The following MYH10 variants were observed in gnomAD, a reference collection of about 807,000 sequenced individuals.
MYH10 encodes the protein myosin-10.
Under a neutral mutation model 257.8 loss-of-function variants are expected in MYH10, and 55 were observed. The ratio of observed to expected loss-of-function variants is 0.21; its 90% confidence interval spans 0.17 to 0.27. MYH10 has a LOEUF of 0.27. MYH10 is among the 10% of genes least tolerant of loss of function. MYH10 has a pLI of 1.00. For missense variants in MYH10, 1,631 were observed against 2,500.6 expected, an observed-to-expected ratio of 0.65 and a Z score of 7.42; for synonymous variants, 854 against 921.7, an observed-to-expected ratio of 0.93 and a Z score of 1.33.
intron 13 of MYH10, among the ~76,000 whole-genome samples, chr17:8,543,624 C>T (rs1038749290): frequency 2.0e-5 from 3 of 152,078 alleles, no homozygotes; most frequent in Admixed American, 2.0e-4. Flanking sequence ...CAGGCATCTG[C>T]CACCAAGCCC....
At chr17:8,534,543 C>T (rs962190601) in intron 16 of MYH10, among the ~76,000 whole-genome samples, 2 of 152,244 alleles carry the variant, frequency 1.3e-5, no homozygotes, top group Non-Finnish European at 2.9e-5. Flanking sequence ...TGCCTGCTTC[C>T]ATTTGCCCTT....
intron 36 of MYH10, among the ~76,000 whole-genome samples, chr17:8,484,644 C>T (rs1252891393): frequency 1.3e-5 from 2 of 152,142 alleles, no homozygotes; most frequent in Non-Finnish European, 2.9e-5. Flanking sequence ...CATGACCAAG[C>T]AGGATCTATC....
At chr17:8,538,204 TTTA>T (rs1226673496) in intron 14 of MYH10, among the ~76,000 whole-genome samples, 3 of 152,198 alleles carry the variant, frequency 2.0e-5, no homozygotes, top group African/African-American at 7.2e-5. Flanking sequence ...GTTTTTATTT[TTTA>T]TTATTATTAT....
chr17:8,482,558 C>G (rs1229838475), intron 37 of MYH10, among the ~76,000 whole-genome samples: 2 of 152,220 alleles, frequency 1.3e-5, no homozygotes, highest in South Asian at 4.1e-4. Flanking sequence ...TCACTGTCCA[C>G]TGGCTTGGGG....
chr17:8,539,252 C>G (rs1044496577), intron 14 of MYH10, among the ~76,000 whole-genome samples: 1 of 152,196 alleles, frequency 6.6e-6, no homozygotes, highest in Non-Finnish European at 1.5e-5. Flanking sequence ...GACTAGGACA[C>G]TCGCCAAATA....
chr17:8,527,490 A>AC (rs2081885143), intron 17 of MYH10, among the ~76,000 whole-genome samples: 1 of 152,078 alleles, frequency 6.6e-6, no homozygotes, highest in Non-Finnish European at 1.5e-5. Flanking sequence ...CATGTCCCCA[A>AC]CTCATGCTGA....
intron 4 of MYH10, among the ~76,000 whole-genome samples, chr17:8,583,639 T>C (rs2083791007): frequency 6.6e-6 from 1 of 152,230 alleles, no homozygotes; most frequent in African/African-American, 2.4e-5. Flanking sequence ...ACTGTTGCCT[T>C]CGCTGTTTAA....
rs1480389191 is a variant in MYH10, at chr17:8,474,877, C to T, written c.*927G>A. 6.6e-6 allele frequency: 1 copy of T among 152,662 alleles called. No individual in the cohort carries two copies. The highest frequency in any genetic ancestry group is 1.9e-4 in the East Asian group (1 of 5,200). 9.5% of individuals were successfully genotyped at this position (152,662 alleles called of 1,614,324 possible). A position where few individuals can be genotyped will look rare whatever the true frequency, so the allele number is the denominator to read the frequency against. ...CTTGGAACAAGCCTCGGACACAAAACCAATATTCCCATTTTGGGCTCAAAG... is the reference window on the plus strand; with the variant it reads ...CTTGGAACAAGCCTCGGACACAAAATCAATATTCCCATTTTGGGCTCAAAG... On this transcript the variant is annotated 3_prime_UTR_variant, in exon 43 of 43. Coordinates refer to ENST00000360416, the MANE Select transcript of MYH10 (RefSeq NM_001256012.3).
chr17:8,539,174 C>T (rs2082225890), intron 14 of MYH10, among the ~76,000 whole-genome samples: 1 of 152,188 alleles, frequency 6.6e-6, no homozygotes, highest in Non-Finnish European at 1.5e-5. Context: ...CTATAGACTA[C>T]AAGAAATCAA....
At position 8,490,108 on chromosome 17, in the gene MYH10, A is replaced by T. The variant is rs1451745007; in HGVS notation, c.4884+232T>A. 2.3e-6 allele frequency: 1 copy of T among 442,774 alleles called. No individual in the cohort carries two copies. The highest frequency in any genetic ancestry group is 2.0e-5 in the African/African-American group (1 of 50,510). 27.4% of individuals were successfully genotyped at this position (442,774 alleles called of 1,614,324 possible). ...GAGTCCACTGAGGGCTTTCTGACTG[A>T]TAAGTGTCTGGCTTGTAGGCAGGAA... is the stretch of plus-strand genomic sequence containing the variant. On this transcript the variant is annotated intron_variant, in intron 35 of 42. Coordinates refer to ENST00000360416, the MANE Select transcript of MYH10 (RefSeq NM_001256012.3). The surrounding 1 kb of genome is among the most constrained non-coding windows in gnomAD (Gnocchi z 4.1).
chr17:8,507,222 T>C (rs1290385016), intron 26 of MYH10, among the ~76,000 whole-genome samples: 1 of 152,228 alleles, frequency 6.6e-6, no homozygotes, highest in Admixed American at 6.5e-5. Flanking sequence ...TGAAAGTAAT[T>C]TCATACTGAC....
In MYH10 at chr17:8,490,004, C is replaced by T. The variant is rs1307715495; in HGVS notation, c.4884+336G>A. 1.3e-5 allele frequency among the ~76,000 whole-genome samples: 2 copies of T among 152,088 alleles called. No homozygotes were observed. Among genetic ancestry groups the T allele is most frequent in the African/African-American group, 2.4e-5 (1 of 41,408 alleles). On this transcript the variant is annotated intron_variant, in intron 35 of 42. Coordinates refer to ENST00000360416, the MANE Select transcript of MYH10 (RefSeq NM_001256012.3). The surrounding 1 kb of genome is among the most constrained non-coding windows in gnomAD (Gnocchi z 4.1). ...GAACCACAGACATCTGCCGAATCAC[C>T]GTGTCTGGGATGCATCAATTCTTTC...
intron 21 of MYH10, among the ~76,000 whole-genome samples, chr17:8,516,276 G>A (rs1566327): frequency 0.5 from 76,437 of 152,016 alleles, 20,210 homozygotes; most frequent in Middle Eastern, 0.61. Context: ...ATGTCCTCCA[G>A]GGTGCTTCAA....
intron 9 of MYH10, among the ~76,000 whole-genome samples, chr17:8,550,554 C>T (rs1183783607): frequency 2.0e-4 from 28 of 141,604 alleles, no homozygotes; most frequent in African/African-American, 6.9e-4. Context: ...CCGCCCTGCC[C>T]GGGAGGTGAG....
At chr17:8,516,488 C>T (rs2081472914) in intron 21 of MYH10, among the ~76,000 whole-genome samples, 2 of 152,202 alleles carry the variant, frequency 1.3e-5, no homozygotes, top group Non-Finnish European at 2.9e-5. Flanking sequence ...CAAAGGCATG[C>T]TGGCTTACAT....
At position 8,576,795 on chromosome 17, in the gene MYH10, G is replaced by A. The variant is rs191788633; in HGVS notation, c.634-123C>T. On this transcript the variant is annotated intron_variant, in intron 5 of 42. Coordinates refer to ENST00000360416, the MANE Select transcript of MYH10 (RefSeq NM_001256012.3). Reference sequence around the variant, plus strand: ...AACTGTGGAAGCTGGGTTGGCTGGCGTTCTCTCAGGCTGTATTAACTACCA... The same window carrying A: ...AACTGTGGAAGCTGGGTTGGCTGGCATTCTCTCAGGCTGTATTAACTACCA... 1.1e-4 allele frequency: 88 copies of A among 832,142 alleles called. No individual in the cohort carries two copies. In the African/African-American group the frequency reaches 1.1e-3, roughly 11 times the overall value. 51.5% of individuals were successfully genotyped at this position (832,142 alleles called of 1,614,324 possible).
At position 8,602,436 on chromosome 17, in the gene MYH10, T is replaced by C. The variant is rs951200119; in HGVS notation, c.502+2390A>G. Among the ~76,000 whole-genome samples the C allele has an allele frequency of 4.6e-5, 7 of 152,208 alleles. No homozygotes were observed. In the East Asian group the frequency reaches 5.8e-4, roughly 13 times the overall value. On this transcript the variant is annotated intron_variant, in intron 3 of 42. Transcript: ENST00000360416. ...GTGACACTTAGCTATCCATTCACAT[T>C]TGTAATTGAAGACCTAGATTGATTG... is the stretch of plus-strand genomic sequence containing the variant.
intron 38 of MYH10, 193 bp from the exon 39 acceptor site, chr17:8,480,718 C>G: frequency 1.4e-6 from 1 of 695,474 alleles, no homozygotes; most frequent in Non-Finnish European, 2.4e-6. Context: ...TCCCCCGCTG[C>G]CACCACCCAG....
chr17:8,480,588 G>A (rs745845752), intron 38 of MYH10, 63 bp from the exon 39 acceptor site: 3 of 1,589,170 alleles, frequency 1.9e-6, no homozygotes, highest in East Asian at 4.5e-5. Context: ...GAGCCTCAGG[G>A]AAGGCTCCTC....
Sources: allele counts gnomAD v4.1 joint callset (sites outside exome capture counted in the v4.1 genomes callset), GRCh38; gene constraint gnomAD v4.1.1; non-coding constraint Gnocchi (gnomAD v3.1); transcripts MANE v1.5; gene names NCBI Gene and HGNC (gene_info 2026-07-23, HGNC 2026-07-21).